Variants in FABP7 observed in about 807,000 individuals in gnomAD.
FABP7 encodes fatty acid-binding protein, brain.
In FABP7, 13 loss-of-function variants were observed where a neutral mutation model predicts 14.2. That is an observed-to-expected ratio of 0.91 (90% CI 0.59 to 1.45). FABP7 has a LOEUF of 1.45. FABP7 is among the 40% of genes most tolerant of loss of function. FABP7 has a pLI of 0.00. For missense variants in FABP7, 149 were observed against 157.6 expected, an observed-to-expected ratio of 0.95 and a Z score of 0.29; for synonymous variants, 49 against 51.4, an observed-to-expected ratio of 0.95 and a Z score of 0.20.
the FABP7 span, among the ~76,000 whole-genome samples, chr6:122,753,790 C>G: frequency 7.4e-5 from 7 of 94,742 alleles, no homozygotes; most frequent in South Asian, 4.5e-4. Context: ...TCCCGCCCCC[C>G]CCCCGCCCAC....
chr6:122,749,928 G>T, the FABP7 span, among the ~76,000 whole-genome samples: 2 of 152,138 alleles, frequency 1.3e-5, no homozygotes, highest in African/African-American at 4.8e-5. Flanking sequence ...ATTCACAACA[G>T]TTGCACCTGG....
the FABP7 span, among the ~76,000 whole-genome samples, chr6:122,756,563 T>C: frequency 6.6e-6 from 1 of 152,224 alleles, no homozygotes; most frequent in South Asian, 2.1e-4. Flanking sequence ...GTTCTCTTGC[T>C]CACTGAAATG....
At chr6:122,782,500 A>C in intron 3 of FABP7, 3 of 975,010 alleles carry the variant, frequency 3.1e-6, no homozygotes, top group Non-Finnish European at 3.7e-6. Context: ...TAAAATAATT[A>C]ACAAATAATT....
Position 122,783,883 on chromosome 6 carries a change from A to G in FABP7, c.*116A>G. 1.2e-6 allele frequency: 1 copy of G among 825,756 alleles called. No individual in the cohort carries two copies. The highest frequency in any genetic ancestry group is 1.9e-6 in the Non-Finnish European group (1 of 531,994). 51.2% of individuals were successfully genotyped at this position (825,756 alleles called of 1,614,324 possible). A position where few individuals can be genotyped will look rare whatever the true frequency, so the allele number is the denominator to read the frequency against. On this transcript the variant is annotated 3_prime_UTR_variant, in exon 4 of 4. Coordinates refer to ENST00000368444, the MANE Select transcript of FABP7 (RefSeq NM_001446.5). Reference sequence around the variant, plus strand: ...AATTAGAAGGTTATCCTTGGTGTGGAGGTGGAAAATGGTGATTTAAAAACT... The same window carrying G: ...AATTAGAAGGTTATCCTTGGTGTGGGGGTGGAAAATGGTGATTTAAAAACT...
the FABP7 span, among the ~76,000 whole-genome samples, chr6:122,764,818 C>T: frequency 2.6e-5 from 4 of 152,136 alleles, no homozygotes; most frequent in Non-Finnish European, 4.4e-5. Flanking sequence ...AGAATCTAGA[C>T]TTAATCCTGA....
the FABP7 span, among the ~76,000 whole-genome samples, chr6:122,770,932 G>C: frequency 1.3e-5 from 2 of 152,152 alleles, no homozygotes; most frequent in Admixed American, 1.3e-4. Context: ...ACCTACACTT[G>C]ATTTAGGTTT....
chr6:122,779,118 T>A (rs1398295092), upstream of FABP7, among the ~76,000 whole-genome samples: 1 of 151,982 alleles, frequency 6.6e-6, no homozygotes, highest in East Asian at 1.9e-4. Context: ...ACAGTCAGAG[T>A]AGCCTTCAAG....
upstream of FABP7, among the ~76,000 whole-genome samples, chr6:122,774,812 T>C (rs1780644231): frequency 6.7e-6 from 1 of 148,214 alleles, no homozygotes; most frequent in South Asian, 2.1e-4. Context: ...TTCAGCAAAG[T>C]TGTAGGATAC....
chr6:122,753,554 CTACACACAGTGGG>C, the FABP7 span, among the ~76,000 whole-genome samples: 5 of 152,112 alleles, frequency 3.3e-5, no homozygotes, highest in African/African-American at 1.2e-4. Flanking sequence ...GGATGAGCTC[CTACACACAGTGGG>C]TACTGTCACC....
upstream of FABP7, among the ~76,000 whole-genome samples, chr6:122,775,036 T>C (rs1226209669): frequency 6.6e-6 from 1 of 152,094 alleles, no homozygotes; most frequent in Non-Finnish European, 1.5e-5. Context: ...AGATATTGCA[T>C]GTTCATGAAT....
chr6:122,782,583 TTG>T (rs1210953296), intron 3 of FABP7: 24 of 985,330 alleles, frequency 2.4e-5, no homozygotes, highest in Non-Finnish European at 2.8e-5. Flanking sequence ...CAGACACTTT[TTG>T]TGTGACCTGC....
the FABP7 span, among the ~76,000 whole-genome samples, chr6:122,757,032 G>T: frequency 6.6e-6 from 1 of 152,104 alleles, no homozygotes; most frequent in Non-Finnish European, 1.5e-5. Flanking sequence ...AGGGTTAAGT[G>T]ATCTATTAAT....
chr6:122,773,038 C>T, the FABP7 span, among the ~76,000 whole-genome samples: 2 of 152,002 alleles, frequency 1.3e-5, no homozygotes, highest in East Asian at 3.9e-4. Flanking sequence ...CACCTGGTGG[C>T]CATCAAGCAG....
chr6:122,770,132 T>A, the FABP7 span, among the ~76,000 whole-genome samples: 2 of 152,100 alleles, frequency 1.3e-5, no homozygotes, highest in Non-Finnish European at 2.9e-5. Context: ...AGAATAAATA[T>A]ATTTCACTCA....
chr6:122,774,306 G>A, the FABP7 span, among the ~76,000 whole-genome samples: 9 of 133,192 alleles, frequency 6.8e-5, no homozygotes, highest in East Asian at 4.9e-4. Context: ...AGATTGCAGT[G>A]AGCCCAGATC....
chr6:122,771,330 A>C, the FABP7 span, among the ~76,000 whole-genome samples: 1 of 152,178 alleles, frequency 6.6e-6, no homozygotes, highest in Admixed American at 6.5e-5. Context: ...TTTCTGTTAA[A>C]AATAGCTAGG....
At chr6:122,766,637 G>A in the FABP7 span, among the ~76,000 whole-genome samples, 19 of 152,060 alleles carry the variant, frequency 1.2e-4, 1 homozygote, top group South Asian at 3.7e-3. Context: ...TTAGGGAAAG[G>A]TTTTACTACT....
the FABP7 span, among the ~76,000 whole-genome samples, chr6:122,760,215 A>T: frequency 6.6e-6 from 1 of 152,194 alleles, no homozygotes. Context: ...CGAGATGGAG[A>T]ACATTTCCAT....
the FABP7 span, among the ~76,000 whole-genome samples, chr6:122,768,037 A>G: frequency 1.3e-5 from 2 of 152,160 alleles, no homozygotes; most frequent in African/African-American, 2.4e-5. Context: ...AGAAAAACAC[A>G]ACTAACCTAC....
Sources: gnomAD v4.1 joint callset for allele counts (sites outside exome capture counted in the v4.1 genomes callset) on GRCh38, gnomAD v4.1.1 for gene constraint, MANE v1.5 for transcripts, NCBI Gene and HGNC (gene_info 2026-07-23, HGNC 2026-07-21) for gene names.